The following BIRC6 variants were observed in gnomAD, a reference collection of about 807,000 sequenced individuals.
BIRC6 encodes baculoviral IAP repeat containing 6.
A neutral mutation model predicts 503.3 loss-of-function variants in BIRC6; 98 were observed. The ratio of observed to expected loss-of-function variants is 0.19; its 90% CI spans 0.17 to 0.23. The LOEUF (loss-of-function observed/expected upper bound fraction) is 0.23. BIRC6 is among the 10% of genes least tolerant of loss of function. BIRC6 has a pLI of 1.00. For missense variants in BIRC6, 5,360 were observed against 5,806.0 expected (o/e 0.92, Z 2.50); for synonymous variants, 2,240 against 2,078.7 (o/e 1.08, Z -2.11).
At chr2:32,537,749 G>A (rs1012384873) in intron 61 of BIRC6, among the ~76,000 whole-genome samples, 15 of 151,960 alleles carry the variant, frequency 9.9e-5, no homozygotes, top group African/African-American at 3.1e-4. Flanking sequence ...GGCGGATCAC[G>A]AGGTCAGGAG....
chr2:32,538,793 G>C (rs2150180251), intron 61 of BIRC6, among the ~76,000 whole-genome samples: 1 of 152,310 alleles, frequency 6.6e-6, no homozygotes, highest in African/African-American at 2.4e-5. Context: ...TTAGCCAGCA[G>C]TGGTAGCACA....
chr2:32,428,438 C>T (rs2043762497), intron 10 of BIRC6, among the ~76,000 whole-genome samples: 1 of 152,206 alleles, frequency 6.6e-6, no homozygotes, highest in Non-Finnish European at 1.5e-5. Context: ...CTCCATCAAT[C>T]AAGTCCCATC....
chr2:32,568,210 A>G (rs1260864624), intron 65 of BIRC6, among the ~76,000 whole-genome samples: 1 of 150,540 alleles, frequency 6.6e-6, no homozygotes, highest in Non-Finnish European at 1.5e-5. Flanking sequence ...TTTCAGGATA[A>G]TCTATTTGAA....
At position 32,617,916 on chromosome 2, in the gene BIRC6, G is replaced by A; in HGVS notation, c.*12G>A. 6.2e-7 allele frequency: 1 copy of A among 1,603,586 alleles called. No individual in the cohort carries two copies. Among genetic ancestry groups the A allele is most frequent in the Non-Finnish European group, 8.5e-7 (1 of 1,172,266 alleles). On this transcript the variant is annotated 3_prime_UTR_variant, in exon 74 of 74. Coordinates refer to ENST00000421745, the MANE Select transcript of BIRC6 (RefSeq NM_016252.4). ...ACTTCCAGTTATGAGCTGCATTGATGTGGACTTCATAGACACAAAGGCTTC... is the reference window on the plus strand; with the variant it reads ...ACTTCCAGTTATGAGCTGCATTGATATGGACTTCATAGACACAAAGGCTTC...
chr2:32,460,551 G>T (rs1337140619), intron 23 of BIRC6, among the ~76,000 whole-genome samples: 1 of 151,606 alleles, frequency 6.6e-6, no homozygotes, highest in Non-Finnish European at 1.5e-5. Context: ...TGCTGGGATT[G>T]CAGGCATCAG....
At chr2:32,503,717 T>C (rs2053469162) in intron 49 of BIRC6, among the ~76,000 whole-genome samples, 1 of 151,964 alleles carries the variant, frequency 6.6e-6, no homozygotes, top group Non-Finnish European at 1.5e-5. Flanking sequence ...CCACCATGCC[T>C]GGCCGAGAGG....
chr2:32,418,009 A>T (rs2042565495), intron 10 of BIRC6, among the ~76,000 whole-genome samples: 1 of 152,156 alleles, frequency 6.6e-6, no homozygotes, highest in Non-Finnish European at 1.5e-5. Flanking sequence ...CGAACTGCTG[A>T]CCTCGAGCGA....
rs754707864 is a variant in BIRC6 at position 32,499,644 on chromosome 2, A to G, written c.8566A>G (p.Ile2856Val). 1.2e-6 allele frequency: 2 copies of G among 1,613,776 alleles called. No homozygotes were observed. The highest frequency in any genetic ancestry group is 1.1e-5 in the South Asian group (1 of 91,070). Residue 2856 changes from isoleucine to valine, a missense_variant, in exon 46 of 74, where the codon ATT (isoleucine) becomes GTT (valine). Ile to Val is a conservative substitution (Grantham distance 29). This residue lies in a region of BIRC6 where 2,299 missense variants were observed against 2,267.2 expected (regional missense o/e 1.01). Coordinates refer to ENST00000421745, the MANE Select transcript of BIRC6 (RefSeq NM_016252.4). ...TTTTGAAGTCGTTTCAGTTAGTACT[A>G]TTTCTGCCGTGATAGAATCGGTTAC... ...QNFEVVSVSTISAVIESVTFL... is the reference protein window; with the variant it reads ...QNFEVVSVSTVSAVIESVTFL...
intron 10 of BIRC6, among the ~76,000 whole-genome samples, chr2:32,428,458 C>T (rs1057379019): frequency 4.6e-5 from 7 of 152,192 alleles, no homozygotes; most frequent in African/African-American, 1.7e-4. Context: ...CTGGAGATAG[C>T]AGTGAATGTG....
At position 32,488,576 on chromosome 2, in the gene BIRC6, A is replaced by T; in HGVS notation, c.7969-12A>T. ...GTACATTTTTCTCCTGTTGATTTTC[A>T]TTCTTTTTCAGTTGGAGTCACTTCT... On this transcript the variant is annotated splice_polypyrimidine_tract_variant and intron_variant, in intron 41 of 73. Transcript: ENST00000421745. 6.6e-7 allele frequency: 1 copy of T among 1,511,304 alleles called. No individual in the cohort carries two copies. 93.6% of individuals were successfully genotyped at this position (1,511,304 alleles called of 1,614,324 possible).
At chr2:32,586,384 G>GT (rs575009424) in intron 66 of BIRC6, among the ~76,000 whole-genome samples, 1 of 131,990 alleles carries the variant, frequency 7.6e-6, no homozygotes, top group Non-Finnish European at 1.6e-5. Context: ...TTTCACGACA[G>GT]TTTTCACTGT....
At chr2:32,394,471 G>C (rs1038527289) in intron 5 of BIRC6, among the ~76,000 whole-genome samples, 2 of 152,064 alleles carry the variant, frequency 1.3e-5, no homozygotes, top group African/African-American at 4.8e-5. Context: ...ATGTGAATTA[G>C]ATTGACTACT....
chr2:32,594,215 ATC>A, intron 67 of BIRC6, 155 bp downstream of exon 67: 1 of 741,326 alleles, frequency 1.3e-6, no homozygotes, highest in Non-Finnish European at 2.1e-6. Flanking sequence ...TTTGTTCTTT[ATC>A]TGATTTCAAT....
In BIRC6 at chr2:32,599,908, A is replaced by T; in HGVS notation, c.13992+8A>T. 6.2e-7 allele frequency: 1 copy of T among 1,608,626 alleles called. No homozygotes were observed. The highest frequency in any genetic ancestry group is 8.5e-7 in the Non-Finnish European group (1 of 1,177,426). On this transcript the variant is annotated splice_region_variant and intron_variant, in intron 70 of 73. Transcript: ENST00000421745. ...CTTTATAATGATGGCAAGGTAAATT[A>T]ATTGCAATTTTTTGTTTCAAATGCC...
At chr2:32,460,825 A>G (rs1266730328) in intron 23 of BIRC6, among the ~76,000 whole-genome samples, 3 of 151,826 alleles carry the variant, frequency 2.0e-5, no homozygotes, top group African/African-American at 4.8e-5. Context: ...TAAAAACCAT[A>G]TATATTACCC....
chr2:32,461,073 C>CTCTTCTCTTCTCTTCTGTTCTGT (rs1558790099), intron 23 of BIRC6, among the ~76,000 whole-genome samples: 1 of 4,464 alleles, frequency 2.2e-4, no homozygotes. Context: ...TTCTGTTCTC[C>CTCTTCTCTTCTCTTCTGTTCTGT]TCTCCTCTCC....
chr2:32,492,813 CTT>C (rs2051913871), intron 44 of BIRC6, among the ~76,000 whole-genome samples: 1 of 151,892 alleles, frequency 6.6e-6, no homozygotes, highest in South Asian at 2.1e-4. Context: ...CAGAAATTAA[CTT>C]TATTTAACTC....
chr2:32,470,829 A>T (rs773000824), intron 31 of BIRC6, among the ~76,000 whole-genome samples, 185 bp from the exon 32 acceptor site: 7 of 152,132 alleles, frequency 4.6e-5, no homozygotes, highest in Non-Finnish European at 7.4e-5. Flanking sequence ...ATTAGATTTG[A>T]TGTTCTACTC....
At chr2:32,414,695 T>A in intron 9 of BIRC6, 74 bp from the exon 10 acceptor site, 2 of 1,014,200 alleles carry the variant, frequency 2.0e-6, no homozygotes, top group South Asian at 5.4e-5. Flanking sequence ...AAATAAATAA[T>A]TTTACTTGTG....
Sources: gnomAD v4.1 joint callset for allele counts (sites outside exome capture counted in the v4.1 genomes callset) on GRCh38, gnomAD v4.1.1 for gene constraint, gnomAD v4.1.1 regional missense constraint, MANE v1.5 for transcripts, NCBI Gene and HGNC (gene_info 2026-07-23, HGNC 2026-07-21) for gene names.